PDE1B: variants seen among roughly 807,000 people sequenced by gnomAD.
PDE1B encodes phosphodiesterase 1B, also known as dual specificity calcium/calmodulin-dependent 3',5'-cyclic nucleotide phosphodiesterase 1B.
Under a neutral mutation model 66.7 loss-of-function variants are expected in PDE1B, and 13 were observed. The ratio of observed to expected loss-of-function variants is 0.19; its 90% CI spans 0.13 to 0.31. PDE1B has a LOEUF of 0.31. Among genes scored for constraint, PDE1B ranks in the 10% least tolerant of loss-of-function variants. The pLI is 1.00. For synonymous variants in PDE1B, 230 were observed against 253.9 expected (o/e 0.91, Z 0.90); for missense variants, 485 against 682.3 (o/e 0.71, Z 3.22).
intron 2 of PDE1B, among the ~76,000 whole-genome samples, chr12:54,560,740 G>C (rs1156440329): frequency 6.6e-6 from 1 of 152,198 alleles, no homozygotes; most frequent in Admixed American, 6.5e-5. Context: ...GGCCCCTCCT[G>C]GGCCATCTCA....
intron 15 of PDE1B, chr12:54,577,603 G>A: frequency 1.4e-6 from 2 of 1,477,960 alleles, no homozygotes; most frequent in Non-Finnish European, 1.8e-6. Flanking sequence ...GCCCATGCCA[G>A]GTGACAGCTA....
chr12:54,572,498 C>T, intron 6 of PDE1B, 103 bp from the exon 7 acceptor site: 2 of 1,110,942 alleles, frequency 1.8e-6, no homozygotes, highest in South Asian at 2.8e-5. Context: ...TGCTCTCTCC[C>T]TATGCCACAC....
chr12:54,566,281 T>C (rs1032870367), intron 2 of PDE1B, among the ~76,000 whole-genome samples: 7 of 152,208 alleles, frequency 4.6e-5, no homozygotes, highest in Non-Finnish European at 1.0e-4. Flanking sequence ...ATGGGTACAG[T>C]AACTCTGTCA....
chr12:54,570,148 C>A, intron 5 of PDE1B, 93 bp from the exon 6 acceptor site: 1 of 763,932 alleles, frequency 1.3e-6, no homozygotes, highest in Non-Finnish European at 2.4e-6. Flanking sequence ...TTCCTATTTA[C>A]CAAGACTTTG....
At chr12:54,574,174 A>C (rs1957681982) in intron 10 of PDE1B, 1 of 185,002 alleles carries the variant, frequency 5.4e-6, no homozygotes, top group African/African-American at 2.4e-5. Flanking sequence ...GCATAGAACA[A>C]ATGCCATAAT....
rs1446933422 is a variant in PDE1B at position 54,569,620 on chromosome 12, C to T, written c.477+8C>T. On this transcript the variant is annotated splice_region_variant and intron_variant, in intron 5 of 15. Coordinates refer to ENST00000243052, the MANE Select transcript of PDE1B (RefSeq NM_000924.4). This position sits in a 1 kb window ranked among gnomAD's most constrained non-coding sequence, Gnocchi z 4.4. ...GTTCTCAACTGTCTCAAGGTAATCT[C>T]TGGGTTTTTGGGAAAGAGGAGAAAG... 6.2e-7 allele frequency: 1 copy of T among 1,607,312 alleles called. No individual in the cohort carries two copies. The highest frequency in any genetic ancestry group is 1.1e-5 in the South Asian group (1 of 90,946).
intron 2 of PDE1B, among the ~76,000 whole-genome samples, chr12:54,551,233 C>A (rs188526844): frequency 2.4e-4 from 36 of 152,294 alleles, no homozygotes; most frequent in African/African-American, 8.4e-4. Flanking sequence ...TAAGATGACA[C>A]CTTTTTATGG....
chr12:54,550,418 A>G (rs1258119532), intron 2 of PDE1B, among the ~76,000 whole-genome samples: 1 of 152,254 alleles, frequency 6.6e-6, no homozygotes, highest in Non-Finnish European at 1.5e-5. Flanking sequence ...GTGATTGCAC[A>G]CAGCTGTAGA....
intron 2 of PDE1B, among the ~76,000 whole-genome samples, chr12:54,550,407 A>T (rs950535516): frequency 6.6e-6 from 1 of 152,238 alleles, no homozygotes; most frequent in Non-Finnish European, 1.5e-5. Flanking sequence ...AGGTATGTGG[A>T]GTGATTGCAC....
At chr12:54,577,068 C>T (rs778498861) in intron 14 of PDE1B, 157 bp from the exon 15 acceptor site, 2 of 689,786 alleles carry the variant, frequency 2.9e-6, no homozygotes, top group Non-Finnish European at 5.0e-6. Context: ...TTTAGCAAGG[C>T]TGGAGAGGCT....
chr12:54,577,464 G>T, intron 15 of PDE1B, 119 bp downstream of exon 15: 1 of 1,602,852 alleles, frequency 6.2e-7, no homozygotes. Context: ...CAGTAAAATG[G>T]AGCGAGTGAA....
At position 54,569,287 on chromosome 12, in the gene PDE1B, G is replaced by A. The variant is rs761908089; in HGVS notation, c.331G>A (p.Ala111Thr). The change falls in exon 4 of 16, where the codon GCC (alanine) becomes ACC (threonine). Residue 111 changes from alanine (A) to threonine (T), a missense_variant. This residue lies in a region of PDE1B where 282 missense variants were observed against 453.4 expected (regional missense o/e 0.62). Transcript: ENST00000243052. This position sits in a 1 kb window ranked among gnomAD's most constrained non-coding sequence, Gnocchi z 4.4. ...LASTFTQQAR[A>T]KGRRAEEKPK... ...CTCCACCTTCACCCAGCAGGCCCGG[G>A]CCAAAGGCCGCCGAGCAGAGGAGAA... is the stretch of plus-strand genomic sequence containing the variant. 1.9e-6 allele frequency: 3 copies of A among 1,614,034 alleles called. No individual in the cohort carries two copies. The highest frequency in any genetic ancestry group is 2.5e-6 in the Non-Finnish European group (3 of 1,179,958).
chr12:54,577,357 G>T lies in PDE1B; in HGVS notation c.*17+12G>T, dbSNP rs1957776545. On this transcript the variant is annotated intron_variant, in intron 15 of 15. Coordinates refer to ENST00000243052, the MANE Select transcript of PDE1B (RefSeq NM_000924.4). ...TGGGGCTGGCCCAGGTGAGCCTGTT[G>T]TGGTGGAGGGTGTAGGAGAGCTGGT... 6.2e-7 allele frequency: 1 copy of T among 1,613,308 alleles called. No individual in the cohort carries two copies. The highest frequency in any genetic ancestry group is 2.2e-5 in the East Asian group (1 of 44,880).
At chr12:54,577,468 G>C in intron 15 of PDE1B, 123 bp downstream of exon 15, 1 of 1,601,734 alleles carries the variant, frequency 6.2e-7, no homozygotes, top group East Asian at 2.2e-5. Flanking sequence ...AAAATGGAGC[G>C]AGTGAAGACA....
intron 2 of PDE1B, among the ~76,000 whole-genome samples, chr12:54,558,334 C>T (rs927829000): frequency 6.6e-5 from 10 of 152,096 alleles, no homozygotes; most frequent in Admixed American, 6.5e-4. Context: ...TGCCCCATTC[C>T]CTTTCCTCAT....
intron 2 of PDE1B, among the ~76,000 whole-genome samples, chr12:54,557,376 G>GA (rs527416628): frequency 2.0e-4 from 30 of 152,242 alleles, no homozygotes; most frequent in Non-Finnish European, 4.0e-4. Flanking sequence ...CTCTGATAAA[G>GA]AAAAAATCTA....
Position 54,575,540 on chromosome 12 carries a change from C to T in PDE1B, c.1186-11C>T. The T allele has an allele frequency of 6.3e-7, 1 of 1,597,488 alleles. No individual in the cohort carries two copies. The highest frequency in any genetic ancestry group is 8.6e-7 in the Non-Finnish European group (1 of 1,165,078). ...TCCTCTCCAGCTTTCCTACCCTGTT[C>T]CCTCCTCTAGGGTGACAAGGAGGCA... On this transcript the variant is annotated splice_polypyrimidine_tract_variant and intron_variant, in intron 11 of 15. Transcript: ENST00000243052. This position sits in a 1 kb window ranked among gnomAD's most constrained non-coding sequence, Gnocchi z 4.0.
chr12:54,575,298 C>A lies in PDE1B; in HGVS notation c.1185+80C>A. Reference sequence around the variant, plus strand: ...GCCCTCCAAGTTCCCCAATCCTGTTCCACATCCTCCTTTTGCTACCTGTAG... The same window carrying A: ...GCCCTCCAAGTTCCCCAATCCTGTTACACATCCTCCTTTTGCTACCTGTAG... On this transcript the variant is annotated intron_variant, in intron 11 of 15. Coordinates refer to ENST00000243052, the MANE Select transcript of PDE1B (RefSeq NM_000924.4). This position sits in a 1 kb window ranked among gnomAD's most constrained non-coding sequence, Gnocchi z 4.0. The A allele has an allele frequency of 7.9e-7, 1 of 1,264,642 alleles. No homozygotes were observed. Among genetic ancestry groups the A allele is most frequent in the East Asian group, 2.3e-5 (1 of 43,018 alleles). 78.3% of individuals were successfully genotyped at this position (1,264,642 alleles called of 1,614,324 possible). A position where few individuals can be genotyped will look rare whatever the true frequency, so the allele number is the denominator to read the frequency against.
chr12:54,552,630 C>G (rs979038497), intron 2 of PDE1B, among the ~76,000 whole-genome samples: 1 of 152,206 alleles, frequency 6.6e-6, no homozygotes, highest in Non-Finnish European at 1.5e-5. Flanking sequence ...GTTTCCCACA[C>G]TAAGACCCTG....
Sources: allele counts gnomAD v4.1 joint callset (sites outside exome capture counted in the v4.1 genomes callset), GRCh38; gene constraint gnomAD v4.1.1; regional missense constraint gnomAD v4.1.1; non-coding constraint Gnocchi (gnomAD v3.1); transcripts MANE v1.5; gene names NCBI Gene and HGNC (gene_info 2026-07-23, HGNC 2026-07-21).